MDN1: variants seen among roughly 807,000 people sequenced by gnomAD.
The protein encoded by MDN1 is midasin AAA ATPase 1.
MDN1 carries 266 observed loss-of-function variants against 669.2 expected under a neutral mutation model. The observed-to-expected ratio is 0.40, with a 90% CI of 0.36 to 0.44. The LOEUF is 0.44. Ranked by LOEUF, MDN1 falls within the 20% of genes least tolerant of loss-of-function variation. The pLI is 1.00. For synonymous variants in MDN1, 2,385 were observed against 2,457.1 expected, an observed-to-expected ratio of 0.97 and a Z score of 0.87; for missense variants, 5,940 against 6,754.0, an observed-to-expected ratio of 0.88 and a Z score of 4.22.
chr6:89,720,645 A>G (rs1222653068), intron 40 of MDN1, among the ~76,000 whole-genome samples: 1 of 152,160 alleles, frequency 6.6e-6, no homozygotes, highest in East Asian at 1.9e-4. Flanking sequence ...TCATTCAACA[A>G]CTGGCATGTG....
At position 89,781,494 on chromosome 6, in the gene MDN1, A is replaced by T; in HGVS notation, c.1548T>A (p.Asp516Glu). The change falls in exon 10 of 102, where the codon GAT becomes GAA. Residue 516 changes from aspartate to glutamate, a missense_variant. Coordinates refer to ENST00000369393, the MANE Select transcript of MDN1 (RefSeq NM_014611.3). ...GTGCCTGTTCACATCCAACAGAACT[A>T]TCACTCCAAGAGTGATGTTTCTCTC... is the stretch of plus-strand genomic sequence containing the variant. Reference protein sequence around the residue: ...LTGEKHHSWSDSSVGCEQAPE... With the variant: ...LTGEKHHSWSESSVGCEQAPE... 6.2e-7 allele frequency: 1 copy of T among 1,614,158 alleles called. No individual in the cohort carries two copies. The highest frequency in any genetic ancestry group is 8.5e-7 in the Non-Finnish European group (1 of 1,179,978).
At chr6:89,793,716 G>A (rs1819405607) in intron 5 of MDN1, 46 bp downstream of exon 5, 1 of 1,518,048 alleles carries the variant, frequency 6.6e-7, no homozygotes, top group Non-Finnish European at 9.0e-7. Context: ...CACACTCAGT[G>A]TTTAGTAGGG....
chr6:89,799,639 C>G (rs1360889673), intron 2 of MDN1, among the ~76,000 whole-genome samples: 2 of 152,172 alleles, frequency 1.3e-5, no homozygotes, highest in Non-Finnish European at 1.5e-5. Flanking sequence ...GCCAAGACCA[C>G]ACCATTGCAT....
chr6:89,687,545 T>A, intron 67 of MDN1, 107 bp from the exon 68 acceptor site: 1 of 824,284 alleles, frequency 1.2e-6, no homozygotes, highest in Non-Finnish European at 1.9e-6. Flanking sequence ...ACTGGGCCCT[T>A]AAACAACTTG....
intron 57 of MDN1, 98 bp from the exon 58 acceptor site, chr6:89,699,825 T>C: frequency 1.5e-6 from 2 of 1,321,060 alleles, no homozygotes; most frequent in Non-Finnish European, 1.0e-6. Flanking sequence ...AAACTTACAG[T>C]ACATTTATCT....
intron 52 of MDN1, among the ~76,000 whole-genome samples, chr6:89,706,596 T>C (rs1326203060): frequency 6.6e-6 from 1 of 152,182 alleles, no homozygotes; most frequent in Non-Finnish European, 1.5e-5. Flanking sequence ...ATCATGTCAG[T>C]GCTCAAAAAG....
intron 92 of MDN1, among the ~76,000 whole-genome samples, chr6:89,654,651 A>C (rs547007243): frequency 3.3e-5 from 5 of 152,280 alleles, no homozygotes. Context: ...GCATTTGACA[A>C]AATAGGGTGT....
chr6:89,688,548 A>G (rs754723122), intron 66 of MDN1, 25 bp downstream of exon 66: 1 of 1,599,392 alleles, frequency 6.3e-7, no homozygotes, highest in South Asian at 1.1e-5. Flanking sequence ...TACTGTGAGC[A>G]CTCCTTCCTC....
chr6:89,670,139 C>CATATATATATATATATATAT (rs1168606501), intron 83 of MDN1, among the ~76,000 whole-genome samples: 3 of 48,986 alleles, frequency 6.1e-5, no homozygotes, highest in African/African-American at 2.6e-4. Flanking sequence ...TCCAAAAAAA[C>CATATATATATATATATATAT]ATATATATAT....
chr6:89,693,434 A>C (rs1190928765), intron 62 of MDN1, among the ~76,000 whole-genome samples: 1 of 152,136 alleles, frequency 6.6e-6, no homozygotes, highest in Non-Finnish European at 1.5e-5. Flanking sequence ...TCTTATGCTG[A>C]TATGGACACT....
At chr6:89,664,375 A>T in intron 85 of MDN1, 112 bp downstream of exon 85, 1 of 1,371,504 alleles carries the variant, frequency 7.3e-7, no homozygotes, top group Non-Finnish European at 1.0e-6. Context: ...TAAGCACAGT[A>T]ACCAACTTGT....
chr6:89,755,259 C>T (rs1817185405), intron 20 of MDN1, among the ~76,000 whole-genome samples: 3 of 151,730 alleles, frequency 2.0e-5, no homozygotes, highest in Admixed American at 2.0e-4. Context: ...TACAGGACTT[C>T]AGGACCAGGT....
rs1812685265 is a variant in MDN1 at position 89,695,635 on chromosome 6, C to T, written c.9741G>A (p.Arg3247=). The T allele has an allele frequency of 1.2e-6, 2 of 1,605,976 alleles. No individual in the cohort carries two copies. The highest frequency in any genetic ancestry group is 2.7e-5 in the African/African-American group (2 of 74,918). Residue 3247 remains arginine (R), a synonymous_variant, in exon 61 of 102, where the codon AGG becomes AGA. Coordinates refer to ENST00000369393, the MANE Select transcript of MDN1 (RefSeq NM_014611.3). This position sits in a 1 kb window ranked among gnomAD's most constrained non-coding sequence, Gnocchi z 4.1. ...CCTTGACGTAATTGAGCTTGTACTC[C>T]CTCTTCACCGCAGGGTCAAAGCGTG... ...PQARFDPAVK[R]EYKLNYVKEE...
At chr6:89,747,890 CAAAAAAA>C (rs55885838) in intron 26 of MDN1, among the ~76,000 whole-genome samples, 2 of 84,048 alleles carry the variant, frequency 2.4e-5, no homozygotes, top group African/African-American at 9.8e-5. Context: ...GACTCCGTCT[CAAAAAAA>C]AAAAAAAAAA....
intron 99 of MDN1, among the ~76,000 whole-genome samples, chr6:89,647,011 A>G (rs1280564863): frequency 6.6e-6 from 1 of 152,122 alleles, no homozygotes; most frequent in Admixed American, 6.5e-5. Flanking sequence ...GGTTTTGAAC[A>G]CCTGGCCTCA....
chr6:89,701,488 C>G, intron 55 of MDN1, 70 bp downstream of exon 55: 1 of 1,568,320 alleles, frequency 6.4e-7, no homozygotes, highest in Non-Finnish European at 8.7e-7. Context: ...AATGTCAGTT[C>G]CCAAGTTCCA....
chr6:89,664,229 T>TCCCTGAAGGG (rs11281623), intron 85 of MDN1, among the ~76,000 whole-genome samples: 131,000 of 151,838 alleles, frequency 0.86, 56,661 homozygotes, highest in East Asian at 1. Context: ...CTTTCAGGCT[T>TCCCTGAAGGG]CACTACTGAG....
At chr6:89,751,682 G>A (rs991545080) in intron 22 of MDN1, 100 bp from the exon 23 acceptor site, 3 of 1,241,760 alleles carry the variant, frequency 2.4e-6, no homozygotes, top group East Asian at 2.4e-5. Context: ...AAGCTGTCTT[G>A]TTCTGCATAC....
intron 11 of MDN1, among the ~76,000 whole-genome samples, chr6:89,778,600 G>A (rs2128323971): frequency 6.6e-6 from 1 of 151,946 alleles, no homozygotes; most frequent in East Asian, 1.9e-4. Context: ...AATGGCATAG[G>A]GTGACTGGGC....
Sources: gnomAD v4.1 joint callset for allele counts (sites outside exome capture counted in the v4.1 genomes callset) on GRCh38, gnomAD v4.1.1 for gene constraint, Gnocchi (gnomAD v3.1) non-coding constraint, MANE v1.5 for transcripts, NCBI Gene and HGNC (gene_info 2026-07-23, HGNC 2026-07-21) for gene names.